The following EPHB1 variants were observed in gnomAD, a reference collection of about 807,000 sequenced individuals.
The protein encoded by EPHB1 is EPH receptor B1, also known as ephrin type-B receptor 1.
In EPHB1, 30 loss-of-function variants were observed where a neutral mutation model predicts 94.4. The ratio of observed to expected loss-of-function variants is 0.32; its 90% CI spans 0.24 to 0.43. The LOEUF is 0.43. EPHB1 is among the 20% of genes least tolerant of loss of function. EPHB1 has a pLI of 1.00. For missense variants in EPHB1, 1,055 were observed against 1,308.3 expected, an observed-to-expected ratio of 0.81 and a Z score of 2.99; for synonymous variants, 522 against 489.1, an observed-to-expected ratio of 1.07 and a Z score of -0.89.
chr3:135,027,334 T>C (rs1479074927), intron 3 of EPHB1, among the ~76,000 whole-genome samples: 1 of 148,514 alleles, frequency 6.7e-6, no homozygotes, highest in African/African-American at 2.5e-5. Context: ...CCATTCAGTA[T>C]GATATTGGCT....
At chr3:135,041,196 A>G (rs370352746) in intron 3 of EPHB1, among the ~76,000 whole-genome samples, 2 of 152,148 alleles carry the variant, frequency 1.3e-5, no homozygotes, top group South Asian at 2.1e-4. Flanking sequence ...TCAGCCTGCT[A>G]TTCTATTTTC....
chr3:135,058,045 A>T (rs1251947707), intron 3 of EPHB1, among the ~76,000 whole-genome samples: 1 of 152,226 alleles, frequency 6.6e-6, no homozygotes, highest in Non-Finnish European at 1.5e-5. Flanking sequence ...CTGAGGCAAG[A>T]TGGGACCAAC....
chr3:134,986,678 GT>G (rs1934609478), intron 3 of EPHB1, among the ~76,000 whole-genome samples: 1 of 148,592 alleles, frequency 6.7e-6, no homozygotes, highest in Non-Finnish European at 1.5e-5. Flanking sequence ...AAAATGTCAG[GT>G]TACTATTATA....
rs549957085 is a variant in EPHB1, at chr3:134,805,216, C to T, written c.58+9527C>T. ...TCCAGGGCTGTCTGCTCCTGGGGGC[C>T]GTTGTCACAGGACCAGAAAGCCCAT... On this transcript the variant is annotated intron_variant, in intron 1 of 15. Coordinates refer to ENST00000398015, the MANE Select transcript of EPHB1 (RefSeq NM_004441.5). Among the ~76,000 whole-genome samples, 18 of 152,210 alleles carry T rather than the reference C, an allele frequency of 1.2e-4. No homozygotes were observed. The South Asian group carries it at 3.3e-3, about 28-fold the overall frequency.
intron 3 of EPHB1, among the ~76,000 whole-genome samples, chr3:135,071,448 C>G (rs149026884): frequency 3.3e-4 from 50 of 152,318 alleles, no homozygotes; most frequent in African/African-American, 1.1e-3. Flanking sequence ...GTTGAATATG[C>G]TGCACTGGGG....
chr3:135,185,819 A>G (rs1212352325), intron 10 of EPHB1, among the ~76,000 whole-genome samples: 2 of 152,166 alleles, frequency 1.3e-5, no homozygotes, highest in African/African-American at 2.4e-5. Context: ...TGGAATACCC[A>G]TTGCTTCTCT....
rs568423117 is a variant in EPHB1 at position 134,998,047 on chromosome 3, G to A, written c.805+45995G>A. 2.6e-5 allele frequency among the ~76,000 whole-genome samples: 4 copies of A among 151,676 alleles called. No homozygotes were observed. In the South Asian group the frequency reaches 8.4e-4, roughly 32 times the overall value. On this transcript the variant is annotated intron_variant, in intron 3 of 15. Transcript: ENST00000398015. ...CTGTGGAGGAGATCAATGTGTGTAGGTCTTAGTTCAATTTCTCATACCTGA... is the reference window on the plus strand; with the variant it reads ...CTGTGGAGGAGATCAATGTGTGTAGATCTTAGTTCAATTTCTCATACCTGA...
intron 1 of EPHB1, among the ~76,000 whole-genome samples, chr3:134,816,193 A>G (rs1381255894): frequency 1.4e-5 from 2 of 147,418 alleles, no homozygotes; most frequent in African/African-American, 5.0e-5. Context: ...AGCGATTCTC[A>G]TGCCTCAGCC....
intron 3 of EPHB1, among the ~76,000 whole-genome samples, chr3:135,089,821 C>T (rs1185520844): frequency 6.6e-6 from 1 of 152,214 alleles, no homozygotes; most frequent in Non-Finnish European, 1.5e-5. Context: ...ATTCCTCCCT[C>T]TGAGCCTTCC....
At chr3:135,108,495 C>G (rs956822237) in intron 4 of EPHB1, among the ~76,000 whole-genome samples, 1 of 152,196 alleles carries the variant, frequency 6.6e-6, no homozygotes, top group Non-Finnish European at 1.5e-5. Flanking sequence ...CCAGGGACCC[C>G]TCCACCCTTG....
Position 135,192,778 on chromosome 3 carries a change from C to A in EPHB1, c.2085C>A (p.Ile695=). The part of the protein sequence containing the change: ...GVVTKSRPVM[I]ITEFMENGAL... ...TCACCAAGAGTCGGCCTGTCATGAT[C>A]ATCACAGAGTTCATGGAGAATGGTG... The change falls in exon 11 of 16, where the codon ATC becomes ATA. Residue 695 remains isoleucine (I), a synonymous_variant. Transcript: ENST00000398015. 1.9e-6 allele frequency: 3 copies of A among 1,614,166 alleles called. No homozygotes were observed. Among genetic ancestry groups the A allele is most frequent in the Non-Finnish European group, 2.5e-6 (3 of 1,180,026 alleles).
At chr3:135,137,411 T>G (rs1470733717) in intron 5 of EPHB1, among the ~76,000 whole-genome samples, 2 of 152,210 alleles carry the variant, frequency 1.3e-5, no homozygotes, top group Non-Finnish European at 2.9e-5. Context: ...AATCCAATTC[T>G]GGATTTAGCC....
intron 3 of EPHB1, among the ~76,000 whole-genome samples, chr3:134,970,707 G>A (rs1458501119): frequency 6.6e-6 from 1 of 152,146 alleles, no homozygotes; most frequent in African/African-American, 2.4e-5. Flanking sequence ...CGGCTGCAGA[G>A]GTCCACAGTG....
Position 135,259,028 on chromosome 3 carries a change from G to C in EPHB1, c.2863G>C (p.Gly955Arg), listed in dbSNP as rs1384787015. ...QMTSEDLLRI[G>R]ITLAGHQKKI... ...TCCTCCTAGAGACCTCCTGAGAATA[G>C]GCATCACCTTGGCAGGCCATCAGAA... is the stretch of plus-strand genomic sequence containing the variant. Residue 955 changes from glycine (G) to arginine (R), a missense_variant, in exon 16 of 16, where the codon GGC (glycine) becomes CGC (arginine). Coordinates refer to ENST00000398015, the MANE Select transcript of EPHB1 (RefSeq NM_004441.5). 18 of 1,608,270 alleles carry C rather than the reference G, an allele frequency of 1.1e-5. No homozygotes were observed. Among genetic ancestry groups the C allele is most frequent in the Non-Finnish European group, 1.5e-5 (18 of 1,177,482 alleles).
At chr3:135,178,230 G>A (rs907664608) in intron 9 of EPHB1, among the ~76,000 whole-genome samples, 1 of 147,854 alleles carries the variant, frequency 6.8e-6, no homozygotes, top group Non-Finnish European at 1.5e-5. Flanking sequence ...GGGGAGGGGG[G>A]GTGGATCATG....
chr3:135,139,592 A>G (rs1331221851), intron 5 of EPHB1, among the ~76,000 whole-genome samples: 1 of 152,228 alleles, frequency 6.6e-6, no homozygotes, highest in African/African-American at 2.4e-5. Context: ...TGGAGCTTGC[A>G]TTCTAGTCGA....
chr3:135,136,657 T>A (rs1171454564), intron 5 of EPHB1, among the ~76,000 whole-genome samples: 1 of 152,156 alleles, frequency 6.6e-6, no homozygotes, highest in African/African-American at 2.4e-5. Flanking sequence ...GGCTGTGAGA[T>A]GTTTTGTGGC....
At chr3:135,245,889 C>T (rs916043698) in intron 13 of EPHB1, among the ~76,000 whole-genome samples, 1 of 148,186 alleles carries the variant, frequency 6.7e-6, no homozygotes, top group African/African-American at 2.5e-5. Flanking sequence ...AATTGAGTTA[C>T]ATTCGGTCTA....
chr3:135,108,402 T>G (rs553307639), intron 4 of EPHB1, among the ~76,000 whole-genome samples: 23 of 152,244 alleles, frequency 1.5e-4, no homozygotes, highest in Non-Finnish European at 2.6e-4. Flanking sequence ...TTAATTTATT[T>G]CATGTAAACA....
Sources: allele counts gnomAD v4.1 joint callset (sites outside exome capture counted in the v4.1 genomes callset), GRCh38; gene constraint gnomAD v4.1.1; transcripts MANE v1.5; gene names NCBI Gene and HGNC (gene_info 2026-07-23, HGNC 2026-07-21).